BBOX1: variants seen among roughly 807,000 people sequenced by gnomAD.
BBOX1 encodes the protein gamma-butyrobetaine hydroxylase 1.
Under a neutral mutation model 41.6 loss-of-function variants are expected in BBOX1, and 35 were observed. The observed-to-expected ratio is 0.84, with a 90% CI of 0.64 to 1.11. The LOEUF is 1.11. Ranked by LOEUF, BBOX1 falls within the 50% of genes most tolerant of loss-of-function variation. BBOX1 has a pLI of 0.00. For missense variants in BBOX1, 458 were observed against 460.6 expected (o/e 0.99, Z 0.05); for synonymous variants, 163 against 154.7 (o/e 1.05, Z -0.40).
At chr11:27,089,352 A>G (rs1858156495) in intron 4 of BBOX1, among the ~76,000 whole-genome samples, 1 of 151,902 alleles carries the variant, frequency 6.6e-6, no homozygotes, top group Non-Finnish European at 1.5e-5. Context: ...AGTCTGTACC[A>G]CTATCATCTC....
intron 5 of BBOX1, among the ~76,000 whole-genome samples, chr11:27,106,240 A>G (rs1490190154): frequency 2.6e-5 from 4 of 151,954 alleles, no homozygotes; most frequent in African/African-American, 9.7e-5. Flanking sequence ...CACACATAAC[A>G]ATACTAACCT....
chr11:27,068,814 T>C (rs1857362762), intron 4 of BBOX1, among the ~76,000 whole-genome samples: 1 of 152,122 alleles, frequency 6.6e-6, no homozygotes, highest in Non-Finnish European at 1.5e-5. Context: ...TCCAGCACCA[T>C]TTATTAAATA....
intron 8 of BBOX1, among the ~76,000 whole-genome samples, chr11:27,127,016 C>T (rs1313878682): frequency 6.6e-6 from 1 of 152,130 alleles, no homozygotes; most frequent in Non-Finnish European, 1.5e-5. Flanking sequence ...CAAAACGATA[C>T]AGATGTTTTA....
chr11:27,079,375 A>G (rs1421494304), intron 4 of BBOX1, among the ~76,000 whole-genome samples: 1 of 152,188 alleles, frequency 6.6e-6, no homozygotes, highest in Non-Finnish European at 1.5e-5. Flanking sequence ...ATCCTGTGTT[A>G]TCTATTAGTT....
At chr11:27,086,426 A>T (rs1172784265) in intron 4 of BBOX1, among the ~76,000 whole-genome samples, 1 of 152,142 alleles carries the variant, frequency 6.6e-6, no homozygotes, top group Non-Finnish European at 1.5e-5. Flanking sequence ...CCTGTGCTCT[A>T]TCAATGGAAA....
chr11:27,099,910 T>A (rs766686425), intron 5 of BBOX1, among the ~76,000 whole-genome samples: 1 of 152,120 alleles, frequency 6.6e-6, no homozygotes, highest in Non-Finnish European at 1.5e-5. Flanking sequence ...GCAGGCTTCA[T>A]TGGATAAATA....
intron 2 of BBOX1, among the ~76,000 whole-genome samples, chr11:27,044,388 G>T (rs1851434017): frequency 6.6e-6 from 1 of 152,072 alleles, no homozygotes; most frequent in Non-Finnish European, 1.5e-5. Context: ...TCGGTAGGTT[G>T]TCTATTCACT....
chr11:27,046,000 T>C (rs1590160482), intron 2 of BBOX1, among the ~76,000 whole-genome samples: 1 of 152,300 alleles, frequency 6.6e-6, no homozygotes, highest in Non-Finnish European at 1.5e-5. Context: ...ACATATAAAC[T>C]TAGCTGGCAA....
intron 5 of BBOX1, among the ~76,000 whole-genome samples, chr11:27,095,380 T>TTA (rs397805043): frequency 6.7e-6 from 1 of 149,216 alleles, no homozygotes; most frequent in Admixed American, 6.7e-5. Flanking sequence ...TTACGTGTGT[T>TTA]GTTTTGTTTT....
At chr11:27,056,810 G>A (rs1025010351) in intron 3 of BBOX1, among the ~76,000 whole-genome samples, 1 of 151,724 alleles carries the variant, frequency 6.6e-6, no homozygotes, top group South Asian at 2.1e-4. Context: ...GCTCACGCCT[G>A]TAATCCCAGC....
At chr11:27,106,311 C>A (rs1858861804) in intron 5 of BBOX1, among the ~76,000 whole-genome samples, 1 of 146,284 alleles carries the variant, frequency 6.8e-6, no homozygotes. Context: ...TGGATAGAGT[C>A]AAGATCCATC....
chr11:27,111,791 T>C (rs1859073615), intron 5 of BBOX1, among the ~76,000 whole-genome samples: 1 of 151,992 alleles, frequency 6.6e-6, no homozygotes. Context: ...TCATCATCCC[T>C]CTGTAAGCTG....
At chr11:27,116,317 G>T (rs1338640697) in intron 6 of BBOX1, among the ~76,000 whole-genome samples, 1 of 151,612 alleles carries the variant, frequency 6.6e-6, no homozygotes, top group African/African-American at 2.4e-5. Flanking sequence ...ACTGGGGCCT[G>T]TTGGGGGGGT....
chr11:27,090,403 G>A (rs1042137619), intron 4 of BBOX1, among the ~76,000 whole-genome samples: 2 of 151,804 alleles, frequency 1.3e-5, no homozygotes, highest in African/African-American at 4.8e-5. Flanking sequence ...CAAAAAGGGT[G>A]GGGGTGTAAG....
chr11:27,101,180 C>T (rs1298930536), intron 5 of BBOX1, among the ~76,000 whole-genome samples: 1 of 151,942 alleles, frequency 6.6e-6, no homozygotes, highest in African/African-American at 2.4e-5. Flanking sequence ...ATTTCCAATG[C>T]CATAATAACT....
chr11:27,105,722 A>C (rs964791029), intron 5 of BBOX1, among the ~76,000 whole-genome samples: 2 of 152,122 alleles, frequency 1.3e-5, no homozygotes, highest in African/African-American at 4.8e-5. Flanking sequence ...CAACATTCAA[A>C]TTCAGGAAAT....
intron 5 of BBOX1, among the ~76,000 whole-genome samples, chr11:27,103,080 C>T (rs533854910): frequency 2.0e-5 from 3 of 152,046 alleles, no homozygotes; most frequent in South Asian, 2.1e-4. Flanking sequence ...ATTCCAGCTA[C>T]TTGGGAGGCC....
At chr11:27,109,944 A>G (rs1590219779) in intron 5 of BBOX1, among the ~76,000 whole-genome samples, 1 of 152,026 alleles carries the variant, frequency 6.6e-6, no homozygotes, top group Non-Finnish European at 1.5e-5. Context: ...GCACTTATTT[A>G]AAAGTTTTTT....
intron 5 of BBOX1, among the ~76,000 whole-genome samples, chr11:27,112,243 C>A (rs1398050768): frequency 6.6e-6 from 1 of 151,814 alleles, no homozygotes. Flanking sequence ...TATTAATGAG[C>A]AAGTTTAAAC....
Sources: allele counts gnomAD v4.1 joint callset (sites outside exome capture counted in the v4.1 genomes callset), GRCh38; gene constraint gnomAD v4.1.1; transcripts MANE v1.5; gene names NCBI Gene and HGNC (gene_info 2026-07-23, HGNC 2026-07-21).